Variants in THSD4 observed in about 807,000 individuals in gnomAD.
THSD4 encodes the protein thrombospondin type 1 domain containing 4.
In THSD4, 69 loss-of-function variants were observed where a neutral mutation model predicts 119.0. The ratio of observed to expected loss-of-function variants is 0.58; its 90% CI spans 0.48 to 0.71. THSD4 has a LOEUF of 0.71. Among genes scored for constraint, THSD4 ranks in the 30% least tolerant of loss-of-function variants. THSD4 has a pLI of 0.00. For synonymous variants in THSD4, 524 were observed against 540.4 expected (o/e 0.97, Z 0.42); for missense variants, 1,393 against 1,391.1 (o/e 1.00, Z -0.02).
chr15:71,488,290 A>C (rs989285598), intron 7 of THSD4, among the ~76,000 whole-genome samples: 16 of 152,242 alleles, frequency 1.1e-4, no homozygotes, highest in Non-Finnish European at 2.2e-4. Flanking sequence ...TATCTCTGGC[A>C]TACATGCCAC....
intron 6 of THSD4, among the ~76,000 whole-genome samples, chr15:71,390,660 A>G (rs1174583133): frequency 6.6e-6 from 1 of 152,098 alleles, no homozygotes; most frequent in Non-Finnish European, 1.5e-5. Flanking sequence ...GTAGTTTACC[A>G]TATTGAGTTA....
chr15:71,560,760 T>A (rs2049099425), intron 7 of THSD4, among the ~76,000 whole-genome samples: 1 of 152,216 alleles, frequency 6.6e-6, no homozygotes. Flanking sequence ...ATTAAGTGAC[T>A]TCCTAAGTAT....
At chr15:71,207,159 T>C (rs1262904933) in intron 3 of THSD4, among the ~76,000 whole-genome samples, 2 of 152,248 alleles carry the variant, frequency 1.3e-5, no homozygotes, top group African/African-American at 4.8e-5. Context: ...TTTATGTTCA[T>C]TTCCCTTAAA....
At chr15:71,427,060 A>G (rs1331053319) in intron 7 of THSD4, among the ~76,000 whole-genome samples, 1 of 152,196 alleles carries the variant, frequency 6.6e-6, no homozygotes, top group Non-Finnish European at 1.5e-5. Context: ...AAAACTGATG[A>G]AATTTATTTT....
rs1421767685 is a variant in THSD4 at position 71,186,721 on chromosome 15, G to A, written c.100-28314G>A. 2.6e-5 allele frequency: 4 copies of A among 152,322 alleles called. No homozygotes were observed. The East Asian group carries it at 5.8e-4, about 22-fold the overall frequency. The allele number at this position is 152,322 out of a possible 1,614,324, so 9.4% of individuals were successfully genotyped here. ...CAAGTCTGTATTCCCAGAACCTACC[G>A]CAGAGCCTAGTACATGATAAACTGT... is the stretch of plus-strand genomic sequence containing the variant. On this transcript the variant is annotated intron_variant, in intron 3 of 17. Transcript: ENST00000261862.
chr15:71,592,324 C>G (rs879452012), intron 7 of THSD4, among the ~76,000 whole-genome samples: 1 of 152,168 alleles, frequency 6.6e-6, no homozygotes, highest in South Asian at 2.1e-4. Context: ...GCAGGAGCTG[C>G]AGGACGCAGT....
At chr15:71,220,965 G>A (rs1377606591) in intron 4 of THSD4, among the ~76,000 whole-genome samples, 1 of 152,144 alleles carries the variant, frequency 6.6e-6, no homozygotes, top group African/African-American at 2.4e-5. Flanking sequence ...TCATCCTTCA[G>A]GTCTTGGCCA....
chr15:71,689,813 C>T (rs369302395), intron 8 of THSD4, among the ~76,000 whole-genome samples: 41 of 152,284 alleles, frequency 2.7e-4, no homozygotes, highest in African/African-American at 9.6e-4. Context: ...GTGTTATTTC[C>T]CTCCAGTTTG....
Position 71,563,179 on chromosome 15 carries a change from G to A in THSD4, c.1153-97351G>A, listed in dbSNP as rs576092572. On this transcript the variant is annotated intron_variant, in intron 7 of 17. Coordinates refer to ENST00000261862, the MANE Select transcript of THSD4 (RefSeq NM_024817.3). ...TGGACACATGATGCGTGAGTACAGC[G>A]CATGTTTAGTGAACCTTTACATCAC... is the stretch of plus-strand genomic sequence containing the variant. 3.9e-5 allele frequency among the ~76,000 whole-genome samples: 6 copies of A among 152,198 alleles called. 1 individual carries two copies. The highest frequency in any genetic ancestry group is 9.6e-5 in the African/African-American group (4 of 41,528).
chr15:71,297,265 TA>T (rs1312014948), intron 6 of THSD4, among the ~76,000 whole-genome samples: 2 of 152,158 alleles, frequency 1.3e-5, no homozygotes, highest in Non-Finnish European at 2.9e-5. Flanking sequence ...TGGCCATTCA[TA>T]TATCTTATTT....
intron 15 of THSD4, among the ~76,000 whole-genome samples, chr15:71,763,364 C>G (rs2053657433): frequency 7.2e-6 from 1 of 139,596 alleles, no homozygotes; most frequent in Non-Finnish European, 1.5e-5. Context: ...GTAGTCGATT[C>G]TTTAAAGTCT....
chr15:71,131,886 G>A (rs1331461464), intron 1 of THSD4, among the ~76,000 whole-genome samples: 2 of 152,146 alleles, frequency 1.3e-5, no homozygotes, highest in Non-Finnish European at 2.9e-5. Context: ...AATTCCACCC[G>A]GACGATGGTG....
intron 6 of THSD4, among the ~76,000 whole-genome samples, chr15:71,313,782 C>T (rs11072270): frequency 0.23 from 34,421 of 152,134 alleles, 4,549 homozygotes; most frequent in East Asian, 0.53. Flanking sequence ...CGGTCTCCCT[C>T]CATCTCCGCA....
At chr15:71,624,068 T>A (rs745650459) in intron 7 of THSD4, among the ~76,000 whole-genome samples, 9 of 152,108 alleles carry the variant, frequency 5.9e-5, no homozygotes, top group Non-Finnish European at 1.3e-4. Context: ...GGGAGAGTGA[T>A]CGAGAACAAC....
chr15:71,440,821 G>A lies in THSD4; in HGVS notation c.1152+28998G>A, dbSNP rs112990515. 5.2e-3 allele frequency among the ~76,000 whole-genome samples: 799 copies of A among 152,302 alleles called. 7 individuals carry two copies. Among genetic ancestry groups the A allele is most frequent in the African/African-American group, 0.018 (758 of 41,568 alleles). On this transcript the variant is annotated intron_variant, in intron 7 of 17. Coordinates refer to ENST00000261862, the MANE Select transcript of THSD4 (RefSeq NM_024817.3). Reference sequence around the variant, plus strand: ...TGGAGTCATTGGGGCAATAACTGGGGACAGTTTGAATTAGAAGGGTAATTG... The same window carrying A: ...TGGAGTCATTGGGGCAATAACTGGGAACAGTTTGAATTAGAAGGGTAATTG...
chr15:71,237,867 A>G (rs149218322), intron 4 of THSD4, among the ~76,000 whole-genome samples: 201 of 152,310 alleles, frequency 1.3e-3, no homozygotes, highest in African/African-American at 4.7e-3. Flanking sequence ...GGAAGATCAC[A>G]CATAACCAGC....
At chr15:71,644,966 G>T (rs939937147) in intron 7 of THSD4, among the ~76,000 whole-genome samples, 2 of 152,110 alleles carry the variant, frequency 1.3e-5, no homozygotes, top group African/African-American at 2.4e-5. Flanking sequence ...TGGATTTATA[G>T]CCTGCCCCTG....
chr15:71,554,121 G>C (rs1398278154), intron 7 of THSD4, among the ~76,000 whole-genome samples: 1 of 133,480 alleles, frequency 7.5e-6, no homozygotes, highest in Admixed American at 8.2e-5. Context: ...ATGGAGTCTC[G>C]CTCTGTCGCC....
intron 6 of THSD4, among the ~76,000 whole-genome samples, chr15:71,297,080 G>A (rs1188328503): frequency 6.6e-6 from 1 of 151,752 alleles, no homozygotes; most frequent in Non-Finnish European, 1.5e-5. Flanking sequence ...TTTTTAATGA[G>A]GTGAAATTCA....
Sources: allele counts gnomAD v4.1 joint callset (sites outside exome capture counted in the v4.1 genomes callset), GRCh38; gene constraint gnomAD v4.1.1; transcripts MANE v1.5; gene names NCBI Gene and HGNC (gene_info 2026-07-23, HGNC 2026-07-21).